OTX2: variants seen among roughly 807,000 people sequenced by gnomAD.
OTX2 encodes homeobox protein OTX2.
In OTX2, 4 loss-of-function variants were observed where a neutral mutation model predicts 29.0. The ratio of observed to expected loss-of-function variants is 0.14; its 90% CI spans 0.07 to 0.32. The LOEUF is 0.32. Ranked by LOEUF, OTX2 falls within the 10% of genes least tolerant of loss-of-function variation. OTX2 has a pLI of 1.00. For missense variants in OTX2, 298 were observed against 365.9 expected, an observed-to-expected ratio of 0.81 and a Z score of 1.51; for synonymous variants, 134 against 141.0, an observed-to-expected ratio of 0.95 and a Z score of 0.35.
chr14:56,802,102 G>A lies in OTX2; in HGVS notation c.527C>T (p.Ser176Phe). 2.5e-6 allele frequency: 4 copies of A among 1,614,228 alleles called. No homozygotes were observed. The highest frequency in any genetic ancestry group is 3.4e-6 in the Non-Finnish European group (4 of 1,180,042). ...GGGATAGGACCTCTGCATGCAGGAA[G>A]AGGAGGTGGACAAGGGATCTGACAG... Reference protein sequence around the residue: ...SPLSDPLSTSSSCMQRSYPMT... With the variant: ...SPLSDPLSTSFSCMQRSYPMT... Residue 176 changes from serine (S) to phenylalanine (F), a missense_variant, in exon 5 of 5, where the codon TCT (serine) becomes TTT (phenylalanine). By Grantham distance (155) the Ser-to-Phe change is radical. Coordinates refer to ENST00000672264, the MANE Select transcript of OTX2 (RefSeq NM_021728.4). The surrounding 1 kb of genome is among the most constrained non-coding windows in gnomAD (Gnocchi z 4.4).
At position 56,802,399 on chromosome 14, in the gene OTX2, CT is replaced by C; in HGVS notation, c.274-45del. 6.2e-7 allele frequency: 1 copy of C among 1,607,824 alleles called. No individual in the cohort carries two copies. Reference sequence around the variant, plus strand: ...TTCTTTAACTCGGTTTTGATAGTTCCTTAAGGACAAGAATGGCTCCCGTATT... The same window carrying C: ...TTCTTTAACTCGGTTTTGATAGTTCCTAAGGACAAGAATGGCTCCCGTATT... On this transcript the variant is annotated intron_variant, in intron 4 of 4. Coordinates refer to ENST00000672264, the MANE Select transcript of OTX2 (RefSeq NM_021728.4). This position sits in a 1 kb window ranked among gnomAD's most constrained non-coding sequence, Gnocchi z 4.4.
intron 2 of OTX2, among the ~76,000 whole-genome samples, chr14:56,807,344 C>T (rs1892122579): frequency 6.6e-6 from 1 of 152,104 alleles, no homozygotes; most frequent in South Asian, 2.1e-4. Flanking sequence ...TAAACAGCCT[C>T]TAAACTGGAG....
intron 2 of OTX2, among the ~76,000 whole-genome samples, chr14:56,808,879 C>G (rs915943156): frequency 2.0e-5 from 3 of 152,238 alleles, no homozygotes; most frequent in Non-Finnish European, 4.4e-5. Flanking sequence ...AAAAATATGT[C>G]CCGAAATCGG....
At chr14:56,807,093 A>G (rs1008668727) in intron 2 of OTX2, among the ~76,000 whole-genome samples, 4 of 152,232 alleles carry the variant, frequency 2.6e-5, no homozygotes, top group Admixed American at 6.5e-5. Context: ...CACAAAAGTC[A>G]TGCTTTTCTA....
intron 2 of OTX2, among the ~76,000 whole-genome samples, chr14:56,809,296 T>G (rs1892196748): frequency 6.6e-6 from 1 of 152,172 alleles, no homozygotes; most frequent in African/African-American, 2.4e-5. Flanking sequence ...AAAGTCATGT[T>G]GAAAAAACAC....
At chr14:56,803,722 G>A (rs1286988116) in intron 4 of OTX2, among the ~76,000 whole-genome samples, 1 of 152,168 alleles carries the variant, frequency 6.6e-6, no homozygotes, top group Non-Finnish European at 1.5e-5. Context: ...TTCTTTTTGT[G>A]TTGATTTATT....
chr14:56,806,820 G>T (rs756525232), intron 2 of OTX2: 1 of 152,184 alleles, frequency 6.6e-6, no homozygotes, highest in Non-Finnish European at 1.5e-5. Flanking sequence ...CCAGCAAAGA[G>T]ATTCAAAGTA....
At position 56,802,302 on chromosome 14, in the gene OTX2, C is replaced by CTGCTGTTGT; in HGVS notation, c.318_326dup (p.Gln107_Gln109dup). On this transcript the variant is annotated inframe_insertion, in exon 5 of 5. Coordinates refer to ENST00000672264, the MANE Select transcript of OTX2 (RefSeq NM_021728.4). The surrounding 1 kb of genome is among the most constrained non-coding windows in gnomAD (Gnocchi z 4.4). Reference sequence around the variant, plus strand: ...GTCTCACTTTGTTTTGACCTCCATTCTGCTGTTGTTGCTGTTGTTGGCGGC... The same window carrying CTGCTGTTGT: ...GTCTCACTTTGTTTTGACCTCCATTCTGCTGTTGTTGCTGTTGTTGCTGTTGTTGGCGGC... 1.9e-6 allele frequency: 3 copies of CTGCTGTTGT among 1,614,202 alleles called. No individual in the cohort carries two copies. Among genetic ancestry groups the CTGCTGTTGT allele is most frequent in the Non-Finnish European group, 2.5e-6 (3 of 1,180,032 alleles).
Position 56,809,118 on chromosome 14 carries a change from G to C in OTX2, c.-120+1041C>G, listed in dbSNP as rs537926163. Among the ~76,000 whole-genome samples the C allele has an allele frequency of 1.4e-4, 22 of 151,924 alleles. No individual in the cohort carries two copies. The East Asian group carries it at 4.4e-3, about 30-fold the overall frequency. ...GAAGGGGGTGCGCGAGCGCGCGGGCGAGCCCTGCCTCTCCCCGCCAGAGAA... is the reference window on the plus strand; with the variant it reads ...GAAGGGGGTGCGCGAGCGCGCGGGCCAGCCCTGCCTCTCCCCGCCAGAGAA... On this transcript the variant is annotated intron_variant, in intron 2 of 4. Coordinates refer to ENST00000672264, the MANE Select transcript of OTX2 (RefSeq NM_021728.4).
chr14:56,802,602 C>G lies in OTX2; in HGVS notation c.274-247G>C, dbSNP rs1891933721. 6.6e-6 allele frequency among the ~76,000 whole-genome samples: 1 copy of G among 152,112 alleles called. No homozygotes were observed. The highest frequency in any genetic ancestry group is 2.1e-4 in the South Asian group (1 of 4,824). Reference sequence around the variant, plus strand: ...CCCAGAATAACATTTAAGATAATCCCCCAAATCATATAGCTAAAAACTCTC... The same window carrying G: ...CCCAGAATAACATTTAAGATAATCCGCCAAATCATATAGCTAAAAACTCTC... On this transcript the variant is annotated intron_variant, in intron 4 of 4. Coordinates refer to ENST00000672264, the MANE Select transcript of OTX2 (RefSeq NM_021728.4). This position sits in a 1 kb window ranked among gnomAD's most constrained non-coding sequence, Gnocchi z 4.4.
chr14:56,804,695 A>C lies in OTX2; in HGVS notation c.98-332T>G, dbSNP rs1227230386. 6.6e-6 allele frequency among the ~76,000 whole-genome samples: 1 copy of C among 152,198 alleles called. No homozygotes were observed. Among genetic ancestry groups the C allele is most frequent in the East Asian group, 1.9e-4 (1 of 5,178 alleles). On this transcript the variant is annotated intron_variant, in intron 3 of 4. Transcript: ENST00000672264. This position sits in a 1 kb window ranked among gnomAD's most constrained non-coding sequence, Gnocchi z 4.1. The stretch of plus-strand genomic sequence containing the variant: ...AAAGGCTATTCCAAGAAGTCAAAGG[A>C]TCTCCGAGGACAGACTGGCAGCTCG...
chr14:56,808,108 C>A (rs1406624051), intron 2 of OTX2, among the ~76,000 whole-genome samples: 1 of 133,008 alleles, frequency 7.5e-6, no homozygotes, highest in East Asian at 2.1e-4. Context: ...TCTCCCTCCC[C>A]CACGCCTTGT....
chr14:56,807,455 G>A (rs142764819), intron 2 of OTX2, among the ~76,000 whole-genome samples: 337 of 152,168 alleles, frequency 2.2e-3, no homozygotes, highest in African/African-American at 7.7e-3. Context: ...GAGAAATATG[G>A]AAATGTTCTT....
chr14:56,800,616 C>G lies in OTX2; in HGVS notation c.*1119G>C, dbSNP rs1330415686. ...AAAAATAAGTTTGCTAATTTACTCT[C>G]TGTCCTAAGAAAAACGTGTTTTGGG... On this transcript the variant is annotated 3_prime_UTR_variant, in exon 5 of 5. Coordinates refer to ENST00000672264, the MANE Select transcript of OTX2 (RefSeq NM_021728.4). 1 of 152,432 alleles carries G rather than the reference C, an allele frequency of 6.6e-6. No homozygotes were observed. The highest frequency in any genetic ancestry group is 2.1e-4 in the South Asian group (1 of 4,804). The allele number at this position is 152,432 out of a possible 1,614,324, so 9.4% of individuals were successfully genotyped here. A position where few individuals can be genotyped will look rare whatever the true frequency, so the allele number is the denominator to read the frequency against.
rs1892010927 is a variant in OTX2, at chr14:56,804,517, C to T, written c.98-154G>A. On this transcript the variant is annotated intron_variant, in intron 3 of 4. Coordinates refer to ENST00000672264, the MANE Select transcript of OTX2 (RefSeq NM_021728.4). This position sits in a 1 kb window ranked among gnomAD's most constrained non-coding sequence, Gnocchi z 4.1. ...CCACCGTCTCCCCAGCCTTGCTCCCCGGGGACCCAGGACACACGCTGCTTC... is the reference window on the plus strand; with the variant it reads ...CCACCGTCTCCCCAGCCTTGCTCCCTGGGGACCCAGGACACACGCTGCTTC... 6.6e-6 allele frequency among the ~76,000 whole-genome samples: 1 copy of T among 152,140 alleles called. No individual in the cohort carries two copies. Among genetic ancestry groups the T allele is most frequent in the Non-Finnish European group, 1.5e-5 (1 of 68,022 alleles).
At chr14:56,806,288 T>C (rs1055236753) in intron 2 of OTX2, among the ~76,000 whole-genome samples, 6 of 152,340 alleles carry the variant, frequency 3.9e-5, no homozygotes, top group South Asian at 2.1e-4. Context: ...TAATTAGATT[T>C]CGAGGTAAGT....
At chr14:56,803,213 C>G (rs975045949) in intron 4 of OTX2, among the ~76,000 whole-genome samples, 4 of 152,220 alleles carry the variant, frequency 2.6e-5, no homozygotes, top group African/African-American at 9.6e-5. Flanking sequence ...AGAAGAGGAA[C>G]TACTGGCATT....
In OTX2 at chr14:56,801,516, C is replaced by T. The variant is rs886050559; in HGVS notation, c.*219G>A. The T allele has an allele frequency of 8.4e-6, 5 of 594,404 alleles. No homozygotes were observed. Among genetic ancestry groups the T allele is most frequent in the Non-Finnish European group, 1.2e-5 (4 of 335,402 alleles). The allele number at this position is 594,404 out of a possible 1,614,324, so 36.8% of individuals were successfully genotyped here. A position where few individuals can be genotyped will look rare whatever the true frequency, so the allele number is the denominator to read the frequency against. On this transcript the variant is annotated 3_prime_UTR_variant, in exon 5 of 5. Coordinates refer to ENST00000672264, the MANE Select transcript of OTX2 (RefSeq NM_021728.4). The surrounding 1 kb of genome is among the most constrained non-coding windows in gnomAD (Gnocchi z 4.2). ...AATCAGGATAACCAATGATCTAAAA[C>T]TATGACAGGATCTTAAGCAGATTGG...
At position 56,801,238 on chromosome 14, in the gene OTX2, G is replaced by A; in HGVS notation, c.*497C>T. On this transcript the variant is annotated 3_prime_UTR_variant, in exon 5 of 5. Transcript: ENST00000672264. This position sits in a 1 kb window ranked among gnomAD's most constrained non-coding sequence, Gnocchi z 4.2. ...TTTTTAAATAAAGTAGTGCATCTAG[G>A]ACAATCAGTCACACAATTCACACAG... 1 of 206,318 alleles carries A rather than the reference G, an allele frequency of 4.8e-6. No individual in the cohort carries two copies. The highest frequency in any genetic ancestry group is 9.2e-5 in the South Asian group (1 of 10,820). 12.8% of individuals were successfully genotyped at this position (206,318 alleles called of 1,614,324 possible). A position where few individuals can be genotyped will look rare whatever the true frequency, so the allele number is the denominator to read the frequency against.
Sources: allele counts gnomAD v4.1 joint callset (sites outside exome capture counted in the v4.1 genomes callset), GRCh38; gene constraint gnomAD v4.1.1; non-coding constraint Gnocchi (gnomAD v3.1); transcripts MANE v1.5; gene names NCBI Gene and HGNC (gene_info 2026-07-23, HGNC 2026-07-21).